Variants in CLDND2 observed in about 807,000 individuals in gnomAD.
CLDND2 encodes the protein claudin domain-containing protein 2.
A neutral mutation model predicts 17.7 loss-of-function variants in CLDND2; 18 were observed. That is an observed-to-expected ratio of 1.02 (90% confidence interval 0.70 to 1.51). CLDND2 has a LOEUF of 1.51. Among genes scored for constraint, CLDND2 ranks in the 40% most tolerant of loss-of-function variants. CLDND2 has a pLI of 0.00. For missense variants in CLDND2, 233 were observed against 219.6 expected (o/e 1.06, Z -0.39); for synonymous variants, 113 against 93.0 (o/e 1.22, Z -1.24).
rs749182476 is a variant in CLDND2 at position 51,367,472 on chromosome 19, AG to A, written c.414del (p.Phe139SerfsTer14). The A allele has an allele frequency of 1.5e-5, 24 of 1,601,622 alleles. No individual in the cohort carries two copies. In the Admixed American group the frequency reaches 2.4e-4, roughly 16 times the overall value. On this transcript the variant is annotated frameshift_variant, in exon 3 of 4. Coordinates refer to ENST00000291715, the MANE Select transcript of CLDND2 (RefSeq NM_152353.3). LOFTEE classifies it high-confidence loss of function. The surrounding 1 kb of genome is among the most constrained non-coding windows in gnomAD (Gnocchi z 7.4). The part of the protein sequence containing the change: ...WSYFSGWLAL[P>X]FSILAGFCFL... ...TCCAGTTTACCCGCGAGAATTGAGA[AG>A]GGTAAGGCCAGCCACCCAGAAAAAT... is the stretch of plus-strand genomic sequence containing the variant.
At chr19:51,366,807 G>C (rs1355029317), downstream of CLDND2, among the ~76,000 whole-genome samples, 2 of 151,854 alleles carry the variant, frequency 1.3e-5, no homozygotes, top group Admixed American at 6.6e-5. Flanking sequence ...CCATCCCCGT[G>C]TTCCCTGTCC....
downstream of CLDND2, chr19:51,366,966 TTGTGTCTCCATGTCTG>T: frequency 1.6e-6 from 1 of 627,874 alleles, no homozygotes. Flanking sequence ...CCATGGAGAC[TTGTGTCTCCATGTCTG>T]TGTCTCCCTG....
chr19:51,367,777 G>GC lies in CLDND2; in HGVS notation c.310+108dup. 3 of 1,493,482 alleles carry GC rather than the reference G, an allele frequency of 2.0e-6. No homozygotes were observed. In the South Asian group the frequency reaches 3.9e-5, roughly 19 times the overall value. The allele number at this position is 1,493,482 out of a possible 1,614,324, so 92.5% of individuals were successfully genotyped here. ...ACCTCTCTCGGCTTCTTCCAGCCCT[G>GC]CCCCTCGGATCCTGGCCGAGTACCT... On this transcript the variant is annotated intron_variant, in intron 2 of 3. Transcript: ENST00000291715. This position sits in a 1 kb window ranked among gnomAD's most constrained non-coding sequence, Gnocchi z 7.4.
At chr19:51,368,284 G>T in intron 1 of CLDND2, 125 bp downstream of exon 1, 1 of 1,247,598 alleles carries the variant, frequency 8.0e-7, no homozygotes, top group Non-Finnish European at 1.1e-6. Flanking sequence ...GGCCTCGGCC[G>T]ACAAGGGACA....
Position 51,368,869 on chromosome 19 carries a change from G to T in CLDND2, c.-292C>A, listed in dbSNP as rs1800754604. On this transcript the variant is annotated 5_prime_UTR_variant, in exon 1 of 4. Transcript: ENST00000291715. ...GCTGTGAGGAACCTGTCTTCCCAGA[G>T]ACCTCCCCCGACAGCCGAACGCCCT... The T allele has an allele frequency of 5.8e-6, 2 of 342,796 alleles. No homozygotes were observed. Among genetic ancestry groups the T allele is most frequent in the Non-Finnish European group, 1.1e-5 (2 of 185,208 alleles). 21.2% of individuals were successfully genotyped at this position (342,796 alleles called of 1,614,324 possible).
In CLDND2 at chr19:51,367,346, TG is replaced by T. The variant is rs745369525; in HGVS notation, c.430+110del. ...GGGTCTGCGGGAGTCGTTAGTGTGT[TG>T]GGGAGTCCCCGAGAGGTCCCCGGGG... On this transcript the variant is annotated intron_variant, in intron 3 of 3. Transcript: ENST00000291715. This position sits in a 1 kb window ranked among gnomAD's most constrained non-coding sequence, Gnocchi z 7.4. The T allele has an allele frequency of 7.3e-7, 1 of 1,366,600 alleles. No individual in the cohort carries two copies. Among genetic ancestry groups the T allele is most frequent in the Non-Finnish European group, 1.0e-6 (1 of 975,878 alleles). 84.7% of individuals were successfully genotyped at this position (1,366,600 alleles called of 1,614,324 possible). A position where few individuals can be genotyped will look rare whatever the true frequency, so the allele number is the denominator to read the frequency against.
rs1278956994 is a variant in CLDND2, at chr19:51,368,748, G to A, written c.-171C>T. 1.0e-5 allele frequency: 6 copies of A among 597,418 alleles called. No individual in the cohort carries two copies. Among genetic ancestry groups the A allele is most frequent in the African/African-American group, 1.9e-5 (1 of 52,938 alleles). The allele number at this position is 597,418 out of a possible 1,614,324, so 37.0% of individuals were successfully genotyped here. ...CCCCCCTCCCTCAACAACCCTGCCT[G>A]AGGATCCACAACCTCCTCCCTCCAG... On this transcript the variant is annotated 5_prime_UTR_variant, in exon 1 of 4. Transcript: ENST00000291715.
chr19:51,368,625 C>A lies in CLDND2; in HGVS notation c.-48G>T. 6.5e-7 allele frequency: 1 copy of A among 1,544,568 alleles called. No individual in the cohort carries two copies. The highest frequency in any genetic ancestry group is 8.8e-7 in the Non-Finnish European group (1 of 1,138,462). ...GCCACAAGGGCAGGATGGGCCCAGG[C>A]CTTTCCTACCCCGAGGCCCCCAGCT... is the stretch of plus-strand genomic sequence containing the variant. On this transcript the variant is annotated 5_prime_UTR_variant, in exon 1 of 4. Transcript: ENST00000291715.
downstream of CLDND2, chr19:51,366,968 GTGTCTCCA>G: frequency 1.6e-6 from 1 of 632,604 alleles, no homozygotes; most frequent in Non-Finnish European, 2.9e-6. Flanking sequence ...ATGGAGACTT[GTGTCTCCA>G]TGTCTGTGTC....
At chr19:51,366,976 A>G (rs1033584747), downstream of CLDND2, 1 of 653,890 alleles carries the variant, frequency 1.5e-6, no homozygotes, top group Non-Finnish European at 2.8e-6. Context: ...TTGTGTCTCC[A>G]TGTCTGTGTC....
At position 51,367,294 on chromosome 19, in the gene CLDND2, G is replaced by A. The variant is rs1986433650; in HGVS notation, c.431-79C>T. 6.7e-7 allele frequency: 1 copy of A among 1,502,020 alleles called. No homozygotes were observed. The highest frequency in any genetic ancestry group is 1.4e-5 in the African/African-American group (1 of 72,544). The allele number at this position is 1,502,020 out of a possible 1,614,324, so 93.0% of individuals were successfully genotyped here. ...GGCCGGGAGGGCCCCGGGGACTGGG[G>A]TTTGGGGCTCCAAGGGGGTCTCTGC... On this transcript the variant is annotated intron_variant, in intron 3 of 3. Transcript: ENST00000291715. This position sits in a 1 kb window ranked among gnomAD's most constrained non-coding sequence, Gnocchi z 7.4.
At position 51,368,679 on chromosome 19, in the gene CLDND2, C is replaced by T; in HGVS notation, c.-102G>A. 1 of 1,003,048 alleles carries T rather than the reference C, an allele frequency of 1.0e-6. No individual in the cohort carries two copies. The allele number at this position is 1,003,048 out of a possible 1,614,324, so 62.1% of individuals were successfully genotyped here. ...GAGCCCGCTTCCTCCACACTCCTCC[C>T]CTGGTACTCCTGCCTGAGGTCCCTG... On this transcript the variant is annotated 5_prime_UTR_variant, in exon 1 of 4. Coordinates refer to ENST00000291715, the MANE Select transcript of CLDND2 (RefSeq NM_152353.3).
chr19:51,366,950 C>T (rs970433139), downstream of CLDND2: 4 of 615,458 alleles, frequency 6.5e-6, no homozygotes, highest in Admixed American at 2.6e-5. Flanking sequence ...CTGTTCCCAT[C>T]CCAATCCATG....
chr19:51,367,394 G>A lies in CLDND2; in HGVS notation c.430+63C>T, dbSNP rs1321889026. 1 of 1,507,586 alleles carries A rather than the reference G, an allele frequency of 6.6e-7. No homozygotes were observed. Among genetic ancestry groups the A allele is most frequent in the Non-Finnish European group, 9.1e-7 (1 of 1,102,262 alleles). 93.4% of individuals were successfully genotyped at this position (1,507,586 alleles called of 1,614,324 possible). ...GGGGTTTCCTGGGAGGGCAGCTGGG[G>A]AGCCTCTGGGGTGAGGGTCTTCTGG... On this transcript the variant is annotated intron_variant, in intron 3 of 3. Transcript: ENST00000291715. This position sits in a 1 kb window ranked among gnomAD's most constrained non-coding sequence, Gnocchi z 7.4.
In CLDND2 at chr19:51,367,684, C is replaced by T. The variant is rs1272156065; in HGVS notation, c.311-108G>A. 2.7e-6 allele frequency: 4 copies of T among 1,498,426 alleles called. No homozygotes were observed. The African/African-American group carries it at 5.6e-5, about 21-fold the overall frequency. 92.8% of individuals were successfully genotyped at this position (1,498,426 alleles called of 1,614,324 possible). ...TTCTATCAGACCACGCCTATCGCCT[C>T]TCAGCCCGCCCCTGGCCCAGGCCCC... is the stretch of plus-strand genomic sequence containing the variant. On this transcript the variant is annotated intron_variant, in intron 2 of 3. Transcript: ENST00000291715. This position sits in a 1 kb window ranked among gnomAD's most constrained non-coding sequence, Gnocchi z 7.4.
rs753908258 is a variant in CLDND2, at chr19:51,368,443, G to T, written c.135C>A (p.Cys45Ter). The T allele has an allele frequency of 9.9e-6, 16 of 1,613,730 alleles. No homozygotes were observed. Among genetic ancestry groups the T allele is most frequent in the Non-Finnish European group, 1.3e-5 (15 of 1,179,950 alleles). ...GGATGCTGGAGCAGATGCCGTGGTTGCATTCCTGCCACAGGCCACTGTGGC... is the reference window on the plus strand; with the variant it reads ...GGATGCTGGAGCAGATGCCGTGGTTTCATTCCTGCCACAGGCCACTGTGGC... ...QEGHSGLWQE[C>*]NHGICSSIPC... The change falls in exon 1 of 4, where the codon TGC becomes TGA. Residue 45 changes from cysteine to a stop codon, truncating the protein, a stop_gained. Coordinates refer to ENST00000291715, the MANE Select transcript of CLDND2 (RefSeq NM_152353.3). LOFTEE classifies it high-confidence loss of function.
At position 51,368,418 on chromosome 19, in the gene CLDND2, G is replaced by A; in HGVS notation, c.160C>T (p.Pro54Ser). ...GCGGGCGGAGCCTCACTCTGGCAGGGGATGCTGGAGCAGATGCCGTGGTTG... is the reference window on the plus strand; with the variant it reads ...GCGGGCGGAGCCTCACTCTGGCAGGAGATGCTGGAGCAGATGCCGTGGTTG... ...ECNHGICSSIPCQTTLAVTVA... is the reference protein window; with the variant it reads ...ECNHGICSSISCQTTLAVTVA... Residue 54 changes from proline to serine, a missense_variant, in exon 1 of 4, where the codon CCC becomes TCC. Transcript: ENST00000291715. 1.2e-6 allele frequency: 2 copies of A among 1,612,306 alleles called. No individual in the cohort carries two copies. Among genetic ancestry groups the A allele is most frequent in the Admixed American group, 1.7e-5 (1 of 59,934 alleles).
At position 51,367,279 on chromosome 19, in the gene CLDND2, G is replaced by T. The variant is rs190229451; in HGVS notation, c.431-64C>A. ...GGCCCTGGGGCGGATGGCCGGGAGG[G>T]CCCCGGGGACTGGGGTTTGGGGCTC... On this transcript the variant is annotated intron_variant, in intron 3 of 3. Coordinates refer to ENST00000291715, the MANE Select transcript of CLDND2 (RefSeq NM_152353.3). This position sits in a 1 kb window ranked among gnomAD's most constrained non-coding sequence, Gnocchi z 7.4. 3.6e-4 allele frequency: 557 copies of T among 1,562,374 alleles called. 5 individuals are homozygous for T. The African/African-American group carries it at 6.7e-3, about 19-fold the overall frequency.
In CLDND2 at chr19:51,367,909, G is replaced by A; in HGVS notation, c.287C>T (p.Thr96Met). 1 of 1,612,302 alleles carries A rather than the reference G, an allele frequency of 6.2e-7. No individual in the cohort carries two copies. The stretch of plus-strand genomic sequence containing the variant: ...ACCGCCGAGGAAGAGGAAGGCGCTC[G>A]TGGTCTGGCCCCGCAGCGACTCGCC... The part of the protein sequence containing the change: ...DEGESLRGQT[T>M]SAFLFLGGLL... Residue 96 changes from threonine to methionine, a missense_variant, in exon 2 of 4, where the codon ACG becomes ATG. Physicochemically the swap from Thr to Met is moderately conservative, Grantham distance 81 (BLOSUM62 -1). Transcript: ENST00000291715. The surrounding 1 kb of genome is among the most constrained non-coding windows in gnomAD (Gnocchi z 7.4).
Sources: gnomAD v4.1 joint callset for allele counts (sites outside exome capture counted in the v4.1 genomes callset) on GRCh38, gnomAD v4.1.1 for gene constraint, Gnocchi (gnomAD v3.1) non-coding constraint, MANE v1.5 for transcripts, NCBI Gene and HGNC (gene_info 2026-07-23, HGNC 2026-07-21) for gene names.